Variants in CWC27 observed in about 807,000 individuals in gnomAD.
CWC27 encodes spliceosome-associated protein CWC27 homolog.
In CWC27, 47 loss-of-function variants were observed where a neutral mutation model predicts 63.6. The observed-to-expected ratio is 0.74, with a 90% confidence interval of 0.58 to 0.94. CWC27 has a LOEUF of 0.94. Among genes scored for constraint, CWC27 ranks in the 40% least tolerant of loss-of-function variants. The pLI, the probability that CWC27 is intolerant of heterozygous loss-of-function variation, is 0.00. For missense variants in CWC27, 495 were observed against 554.3 expected, an observed-to-expected ratio of 0.89 and a Z score of 1.07; for synonymous variants, 175 against 179.8, an observed-to-expected ratio of 0.97 and a Z score of 0.22.
chr5:64,872,269 G>GA (rs1166977769), intron 10 of CWC27, among the ~76,000 whole-genome samples: 1 of 152,174 alleles, frequency 6.6e-6, no homozygotes, highest in Admixed American at 6.6e-5. Flanking sequence ...TTCTTGAATA[G>GA]ATGCTCATGA....
chr5:64,971,202 G>A (rs1369593226), intron 11 of CWC27, among the ~76,000 whole-genome samples: 1 of 152,026 alleles, frequency 6.6e-6, no homozygotes, highest in Non-Finnish European at 1.5e-5. Context: ...ATTTTTGTCT[G>A]CTTTTGCTAA....
chr5:64,822,644 A>G (rs911615350), intron 10 of CWC27, among the ~76,000 whole-genome samples: 5 of 152,228 alleles, frequency 3.3e-5, no homozygotes, highest in African/African-American at 1.2e-4. Context: ...ACCTTCCTGT[A>G]TAATAAACTG....
At chr5:64,937,458 G>T (rs1748380680) in intron 11 of CWC27, among the ~76,000 whole-genome samples, 2 of 152,176 alleles carry the variant, frequency 1.3e-5, no homozygotes, top group African/African-American at 4.8e-5. Context: ...TGTGCTCTGA[G>T]AGACTGTTAT....
At chr5:64,836,416 TA>T (rs1484789092) in intron 10 of CWC27, among the ~76,000 whole-genome samples, 1 of 152,038 alleles carries the variant, frequency 6.6e-6, no homozygotes, top group African/African-American at 2.4e-5. Context: ...TTACTGTTTT[TA>T]CTTTCATTCA....
intron 11 of CWC27, among the ~76,000 whole-genome samples, chr5:64,894,220 G>C (rs140078378): frequency 6.6e-6 from 1 of 151,994 alleles, no homozygotes; most frequent in African/African-American, 2.4e-5. Context: ...GAGCCACCGC[G>C]CCTGGCCCCT....
chr5:64,923,965 C>T (rs1302083986), intron 11 of CWC27, among the ~76,000 whole-genome samples: 1 of 151,902 alleles, frequency 6.6e-6, no homozygotes, highest in Non-Finnish European at 1.5e-5. Context: ...TTTTTGCTAT[C>T]CCTCATCCCT....
chr5:65,001,436 A>G (rs1749730275), intron 13 of CWC27, among the ~76,000 whole-genome samples: 2 of 152,198 alleles, frequency 1.3e-5, no homozygotes, highest in African/African-American at 2.4e-5. Flanking sequence ...CCCATTCAGT[A>G]TGATGTCAGC....
intron 11 of CWC27, among the ~76,000 whole-genome samples, chr5:64,927,135 T>A (rs10059139): frequency 1.3e-5 from 2 of 152,030 alleles, no homozygotes; most frequent in African/African-American, 4.8e-5. Context: ...AGCTGAAAAA[T>A]TTTAGTTCAA....
chr5:64,951,197 T>C (rs559490541), intron 11 of CWC27, among the ~76,000 whole-genome samples: 2 of 151,916 alleles, frequency 1.3e-5, no homozygotes, highest in Non-Finnish European at 2.9e-5. Flanking sequence ...TCTGGCAATG[T>C]AGAAGAGTTC....
intron 2 of CWC27, among the ~76,000 whole-genome samples, chr5:64,780,540 A>G (rs1169739529): frequency 2.0e-5 from 3 of 148,340 alleles, no homozygotes; most frequent in Non-Finnish European, 4.5e-5. Flanking sequence ...TATATATTAT[A>G]TATAATTTAT....
At chr5:64,775,451 A>G (rs1424368185) in intron 2 of CWC27, among the ~76,000 whole-genome samples, 1 of 152,048 alleles carries the variant, frequency 6.6e-6, no homozygotes, top group Non-Finnish European at 1.5e-5. Context: ...CACTAACCAC[A>G]TGGTTTTAGT....
intron 11 of CWC27, among the ~76,000 whole-genome samples, chr5:64,932,922 T>A (rs1365597868): frequency 6.6e-6 from 1 of 152,194 alleles, no homozygotes; most frequent in Non-Finnish European, 1.5e-5. Flanking sequence ...ACTTAAGTGA[T>A]CTTCTTAATA....
intron 13 of CWC27, among the ~76,000 whole-genome samples, chr5:64,997,900 A>G (rs556364644): frequency 1.3e-5 from 2 of 152,312 alleles, no homozygotes; most frequent in African/African-American, 4.8e-5. Context: ...GATAAAATGA[A>G]GCAAGAAGGA....
intron 11 of CWC27, among the ~76,000 whole-genome samples, chr5:64,927,012 A>C (rs1421022921): frequency 1.3e-5 from 2 of 152,244 alleles, no homozygotes; most frequent in Non-Finnish European, 2.9e-5. Context: ...TAGAATGTGT[A>C]TATATCATCA....
intron 13 of CWC27, among the ~76,000 whole-genome samples, chr5:64,982,383 G>A (rs757622419): frequency 4.6e-5 from 7 of 151,896 alleles, no homozygotes; most frequent in Admixed American, 6.6e-5. Context: ...GAGTGCACTG[G>A]TGCAGTCAAA....
At chr5:64,988,824 G>A (rs563112694) in intron 13 of CWC27, among the ~76,000 whole-genome samples, 1 of 152,092 alleles carries the variant, frequency 6.6e-6, no homozygotes, top group East Asian at 1.9e-4. Context: ...GGCTGGTCTC[G>A]AACTCCGTAC....
chr5:64,846,796 C>T (rs1226353465), intron 10 of CWC27, among the ~76,000 whole-genome samples: 1 of 151,976 alleles, frequency 6.6e-6, no homozygotes, highest in Non-Finnish European at 1.5e-5. Context: ...GAGTTTGAGA[C>T]CAGCCTGGCC....
chr5:64,990,447 A>G lies in CWC27; in HGVS notation c.1256+13209A>G, dbSNP rs1749519173. On this transcript the variant is annotated intron_variant, in intron 13 of 13. Coordinates refer to ENST00000381070, the MANE Select transcript of CWC27 (RefSeq NM_005869.4). ...GCCCGGCTAATTTTTTTGTATTTTT[A>G]GTAGAGACGGGGTTTCACCGTTTTA... 1.9e-5 allele frequency among the ~76,000 whole-genome samples: 2 copies of G among 103,628 alleles called. 1 individual carries two copies. The highest frequency in any genetic ancestry group is 4.2e-5 in the Non-Finnish European group (2 of 48,038). The allele number at this position is 103,628 out of a possible 152,430, so 68.0% of individuals were successfully genotyped here.
At chr5:64,872,052 A>G (rs1746687353) in intron 10 of CWC27, among the ~76,000 whole-genome samples, 1 of 152,086 alleles carries the variant, frequency 6.6e-6, no homozygotes, top group Non-Finnish European at 1.5e-5. Flanking sequence ...ATTTAGGTAT[A>G]CTTGATTATA....
Sources: allele counts gnomAD v4.1 joint callset (sites outside exome capture counted in the v4.1 genomes callset), GRCh38; gene constraint gnomAD v4.1.1; transcripts MANE v1.5; gene names NCBI Gene and HGNC (gene_info 2026-07-23, HGNC 2026-07-21).